ATRN: variants seen among roughly 807,000 people sequenced by gnomAD.
ATRN encodes attractin-2.
In ATRN, 54 loss-of-function variants were observed where a neutral mutation model predicts 178.7. The ratio of observed to expected loss-of-function variants is 0.30; its 90% CI spans 0.24 to 0.38. The LOEUF (loss-of-function observed/expected upper bound fraction) is 0.38. Ranked by LOEUF, ATRN falls within the 10% of genes least tolerant of loss-of-function variation. The probability of loss-of-function intolerance (pLI) is 1.00; values close to 1 mark genes in which losing one functional copy is unlikely to be tolerated. For missense variants in ATRN, 1,443 were observed against 1,815.1 expected (o/e 0.79, Z 3.73); for synonymous variants, 636 against 663.0 (o/e 0.96, Z 0.63).
intron 22 of ATRN, 90 bp downstream of exon 22, chr20:3,598,090 G>T (rs907606813): frequency 3.6e-6 from 3 of 827,128 alleles, no homozygotes; most frequent in Admixed American, 3.7e-5. Context: ...CCTTAACAGT[G>T]CTCTCCAGAC....
At chr20:3,474,894 T>C (rs1422950869) in intron 1 of ATRN, among the ~76,000 whole-genome samples, 1 of 151,310 alleles carries the variant, frequency 6.6e-6, no homozygotes, top group African/African-American at 2.4e-5. Context: ...TACCTGGGCA[T>C]GGTGGCAGGC....
chr20:3,618,041 G>A (rs956917306), intron 24 of ATRN, among the ~76,000 whole-genome samples: 1 of 152,166 alleles, frequency 6.6e-6, no homozygotes, highest in South Asian at 2.1e-4. Flanking sequence ...CTGGGAAGCC[G>A]CCCTTCAGTG....
intron 18 of ATRN, among the ~76,000 whole-genome samples, chr20:3,587,638 A>G (rs1042540667): frequency 2.0e-5 from 3 of 152,096 alleles, no homozygotes; most frequent in African/African-American, 7.2e-5. Context: ...GGCTTTGTAT[A>G]AGTTTTAAAA....
chr20:3,592,572 T>A, intron 19 of ATRN: 1 of 760,042 alleles, frequency 1.3e-6, no homozygotes, highest in Non-Finnish European at 1.6e-6. Flanking sequence ...AGTACTATAG[T>A]CGAAAGACTT....
At chr20:3,491,603 G>C (rs542725696) in intron 1 of ATRN, among the ~76,000 whole-genome samples, 1 of 152,276 alleles carries the variant, frequency 6.6e-6, no homozygotes, top group African/African-American at 2.4e-5. Context: ...TTCTCAGTCT[G>C]GGGACTTTGA....
In ATRN at chr20:3,549,170, G is replaced by A; in HGVS notation, c.944G>A (p.Gly315Asp). 1 of 1,597,722 alleles carries A rather than the reference G, an allele frequency of 6.3e-7. No homozygotes were observed. The highest frequency in any genetic ancestry group is 8.5e-7 in the Non-Finnish European group (1 of 1,174,352). ...AGCTAATTCATTATGTTTTTATTAG[G>A]TCCTGGATGTTCAGTTCCTGTACCA... Reference protein sequence around the residue: ...RGCSCFSDWQGPGCSVPVPAN... With the variant: ...RGCSCFSDWQDPGCSVPVPAN... The change falls in exon 6 of 29, where the codon GGT becomes GAT. Residue 315 changes from glycine to aspartate, a missense_variant and splice_region_variant. By Grantham distance (94) the Gly-to-Asp change is moderately conservative. Transcript: ENST00000262919.
intron 24 of ATRN, chr20:3,615,773 C>T (rs1290631769): frequency 6.6e-6 from 3 of 454,120 alleles, no homozygotes; most frequent in Non-Finnish European, 1.3e-5. Flanking sequence ...CCCCATCATT[C>T]TCAGCAAACT....
chr20:3,564,203 A>G (rs6037620), intron 10 of ATRN, among the ~76,000 whole-genome samples: 7,226 of 152,286 alleles, frequency 0.047, 519 homozygotes, highest in African/African-American at 0.16. Context: ...TCAAAGTAGA[A>G]GAGGTAGAGA....
chr20:3,549,229 T>C lies in ATRN; in HGVS notation c.1003T>C (p.Ser335Pro). The C allele has an allele frequency of 6.2e-7, 1 of 1,611,338 alleles. No homozygotes were observed. Among genetic ancestry groups the C allele is most frequent in the Non-Finnish European group, 8.5e-7 (1 of 1,178,974 alleles). ...NQSFWTREEY[S>P]NLKLPRASHK... ...GTCATTTTGGACTCGAGAGGAATAT[T>C]CTAACTTAAAGCTCCCCAGAGCATC... Residue 335 changes from serine (S) to proline (P), a missense_variant, in exon 6 of 29, where the codon TCT becomes CCT. Ser to Pro is a moderately conservative substitution (Grantham distance 74). This residue lies in a region of ATRN where 862 missense variants were observed against 972.1 expected (regional missense o/e 0.89). Transcript: ENST00000262919.
intron 25 of ATRN, among the ~76,000 whole-genome samples, chr20:3,633,214 C>T (rs1000645397): frequency 1.3e-5 from 2 of 152,176 alleles, no homozygotes; most frequent in African/African-American, 2.4e-5. Flanking sequence ...GGCTTTCCAC[C>T]AAGTGACGAT....
chr20:3,644,417 A>C, intron 28 of ATRN, 149 bp downstream of exon 28: 2 of 693,912 alleles, frequency 2.9e-6, no homozygotes, highest in South Asian at 1.9e-5. Flanking sequence ...GAGATAACCC[A>C]TTTTCACCTA....
intron 3 of ATRN, among the ~76,000 whole-genome samples, chr20:3,545,039 T>C (rs1281367874): frequency 6.6e-6 from 1 of 152,096 alleles, no homozygotes; most frequent in Non-Finnish European, 1.5e-5. Flanking sequence ...TTATGGGTGT[T>C]TGTTTAGCTT....
chr20:3,617,198 A>G (rs1369605868), intron 24 of ATRN, among the ~76,000 whole-genome samples: 1 of 152,172 alleles, frequency 6.6e-6, no homozygotes, highest in Non-Finnish European at 1.5e-5. Flanking sequence ...ATCTCAGTCT[A>G]CACAGCGTGG....
At chr20:3,482,372 T>C (rs866655507) in intron 1 of ATRN, among the ~76,000 whole-genome samples, 3 of 152,222 alleles carry the variant, frequency 2.0e-5, no homozygotes, top group African/African-American at 7.2e-5. Context: ...CCTGTCCTAA[T>C]GTTTGATATT....
At chr20:3,527,685 T>C (rs997305880) in intron 1 of ATRN, among the ~76,000 whole-genome samples, 3 of 152,180 alleles carry the variant, frequency 2.0e-5, no homozygotes, top group Admixed American at 1.3e-4. Flanking sequence ...TGCCCATCGA[T>C]GATAGACTGG....
chr20:3,646,189 C>T (rs2087106621), intron 28 of ATRN, among the ~76,000 whole-genome samples: 1 of 152,130 alleles, frequency 6.6e-6, no homozygotes, highest in Non-Finnish European at 1.5e-5. Context: ...CAAAGCCTGG[C>T]CCCAGAGCCT....
At chr20:3,493,046 TTATA>T (rs1306973372) in intron 1 of ATRN, among the ~76,000 whole-genome samples, 2 of 146,584 alleles carry the variant, frequency 1.4e-5, no homozygotes, top group East Asian at 3.9e-4. Flanking sequence ...AAATATATAA[TTATA>T]TATGTATTAT....
rs965738328 is a variant in ATRN at position 3,572,682 on chromosome 20, T to C, written c.1872-49T>C. 7 of 1,516,286 alleles carry C rather than the reference T, an allele frequency of 4.6e-6. No homozygotes were observed. In the African/African-American group the frequency reaches 8.3e-5, roughly 18 times the overall value. 93.9% of individuals were successfully genotyped at this position (1,516,286 alleles called of 1,614,324 possible). On this transcript the variant is annotated intron_variant, in intron 11 of 28. Transcript: ENST00000262919. ...AAAAAAAAAAAAGTATAGCATCCAA[T>C]TGTTATCTGAGTCTCTAGTAAATTT...
chr20:3,580,319 C>G (rs1162343152), intron 15 of ATRN, among the ~76,000 whole-genome samples: 1 of 152,204 alleles, frequency 6.6e-6, no homozygotes, highest in Non-Finnish European at 1.5e-5. Flanking sequence ...TTCTGGTACC[C>G]TTTCTCTCTT....
Sources: allele counts gnomAD v4.1 joint callset (sites outside exome capture counted in the v4.1 genomes callset), GRCh38; gene constraint gnomAD v4.1.1; regional missense constraint gnomAD v4.1.1; transcripts MANE v1.5; gene names NCBI Gene and HGNC (gene_info 2026-07-23, HGNC 2026-07-21).